The following FILIP1 variants were observed in gnomAD, a reference collection of about 807,000 sequenced individuals.
The protein encoded by FILIP1 is filamin A interacting protein 1.
Under a neutral mutation model 102.1 loss-of-function variants are expected in FILIP1, and 61 were observed. That is an observed-to-expected ratio of 0.60 (90% confidence interval 0.49 to 0.74). The LOEUF (loss-of-function observed/expected upper bound fraction) is 0.74, where lower values mean the gene tolerates loss of function less well. Among genes scored for constraint, FILIP1 ranks in the 30% least tolerant of loss-of-function variants. FILIP1 has a pLI of 0.00. For synonymous variants in FILIP1, 491 were observed against 526.9 expected, an observed-to-expected ratio of 0.93 and a Z score of 0.93; for missense variants, 1,314 against 1,441.2, an observed-to-expected ratio of 0.91 and a Z score of 1.43.
At chr6:75,461,844 G>T (rs980808706) in intron 1 of FILIP1, among the ~76,000 whole-genome samples, 4 of 152,168 alleles carry the variant, frequency 2.6e-5, no homozygotes, top group South Asian at 2.1e-4. Context: ...CAACACAGGC[G>T]CTTAGGAGAA....
chr6:75,448,059 A>G (rs1400356357), intron 1 of FILIP1, among the ~76,000 whole-genome samples: 1 of 152,162 alleles, frequency 6.6e-6, no homozygotes, highest in Non-Finnish European at 1.5e-5. Flanking sequence ...TAGATGAGGA[A>G]AAAAGTCTTT....
At chr6:75,388,321 T>C (rs1232167527) in intron 2 of FILIP1, among the ~76,000 whole-genome samples, 1 of 152,224 alleles carries the variant, frequency 6.6e-6, no homozygotes, top group African/African-American at 2.4e-5. Flanking sequence ...GCGTGATGCC[T>C]CCAGCTTTGT....
chr6:75,398,396 T>C (rs1035773871), intron 2 of FILIP1, among the ~76,000 whole-genome samples: 2 of 152,120 alleles, frequency 1.3e-5, no homozygotes, highest in Non-Finnish European at 2.9e-5. Context: ...ATTTGTAACC[T>C]TGCCTGCAAA....
At chr6:75,435,547 T>C (rs912476968) in intron 1 of FILIP1, among the ~76,000 whole-genome samples, 1 of 152,198 alleles carries the variant, frequency 6.6e-6, no homozygotes, top group Non-Finnish European at 1.5e-5. Flanking sequence ...AACCTGGCAG[T>C]AAAATTATGG....
chr6:75,337,230 A>T (rs946255261), intron 4 of FILIP1, among the ~76,000 whole-genome samples: 3 of 152,200 alleles, frequency 2.0e-5, no homozygotes, highest in Non-Finnish European at 2.9e-5. Flanking sequence ...TCCTAAGTCC[A>T]CTATGAGTGG....
intron 2 of FILIP1, among the ~76,000 whole-genome samples, chr6:75,387,893 C>T (rs1458883485): frequency 1.3e-5 from 2 of 152,156 alleles, no homozygotes; most frequent in Non-Finnish European, 2.9e-5. Flanking sequence ...TTAATTAGAT[C>T]CCACTTGTCA....
At chr6:75,319,858 C>T in intron 4 of FILIP1, 1 of 431,722 alleles carries the variant, frequency 2.3e-6, no homozygotes, top group Non-Finnish European at 4.2e-6. Context: ...GAAAAGAAAA[C>T]TCTGAGAAGT....
At chr6:75,451,273 G>A (rs1216708549) in intron 1 of FILIP1, among the ~76,000 whole-genome samples, 1 of 148,232 alleles carries the variant, frequency 6.7e-6, no homozygotes, top group East Asian at 1.9e-4. Context: ...ATATGTATAT[G>A]TAATTTGAAT....
chr6:75,362,978 A>G, intron 2 of FILIP1, 61 bp from the exon 3 acceptor site: 1 of 1,519,320 alleles, frequency 6.6e-7, no homozygotes. Flanking sequence ...ACTGGGCTCA[A>G]AAAATCAACA....
intron 2 of FILIP1, among the ~76,000 whole-genome samples, chr6:75,369,970 G>A (rs139493814): frequency 6.6e-6 from 1 of 152,310 alleles, no homozygotes; most frequent in East Asian, 1.9e-4. Context: ...CTTACCTAAT[G>A]ACACCACACA....
At chr6:75,350,571 G>A (rs1774762671) in intron 4 of FILIP1, among the ~76,000 whole-genome samples, 1 of 152,024 alleles carries the variant, frequency 6.6e-6, no homozygotes, top group Non-Finnish European at 1.5e-5. Flanking sequence ...TCCTGCATAG[G>A]CTTAGTGGAT....
chr6:75,399,241 C>A (rs2149668838), intron 2 of FILIP1: 1 of 152,246 alleles, frequency 6.6e-6, no homozygotes, highest in East Asian at 1.9e-4. Context: ...GAAGGGAAAC[C>A]AAACATCAGT....
chr6:75,377,812 G>C (rs901151975), intron 2 of FILIP1, among the ~76,000 whole-genome samples: 5 of 152,244 alleles, frequency 3.3e-5, no homozygotes, highest in African/African-American at 1.2e-4. Flanking sequence ...CTTCGCTAGA[G>C]AAAGTTTAGA....
intron 2 of FILIP1, chr6:75,386,063 T>G (rs1178735010): frequency 1.3e-5 from 2 of 152,156 alleles, no homozygotes; most frequent in African/African-American, 2.4e-5. Flanking sequence ...AATAAAATGG[T>G]TCAAGTTCTC....
intron 1 of FILIP1, among the ~76,000 whole-genome samples, chr6:75,486,155 C>T (rs2149784564): frequency 6.6e-6 from 1 of 152,220 alleles, no homozygotes; most frequent in East Asian, 1.9e-4. Context: ...TCAAAGTTTA[C>T]AATATAAGGT....
chr6:75,393,562 A>G (rs185713340), intron 2 of FILIP1, among the ~76,000 whole-genome samples: 1 of 152,362 alleles, frequency 6.6e-6, no homozygotes, highest in African/African-American at 2.4e-5. Flanking sequence ...ATATGGTACC[A>G]GAGCATGGAA....
At chr6:75,317,147 C>T (rs1446452799) in intron 4 of FILIP1, among the ~76,000 whole-genome samples, 6 of 152,194 alleles carry the variant, frequency 3.9e-5, no homozygotes, top group African/African-American at 1.2e-4. Flanking sequence ...CTGTCACTTT[C>T]TAACTGTGTA....
At chr6:75,416,424 C>T (rs552966259) in intron 1 of FILIP1, among the ~76,000 whole-genome samples, 1 of 152,152 alleles carries the variant, frequency 6.6e-6, no homozygotes, top group African/African-American at 2.4e-5. Context: ...TTTTCTGGTT[C>T]ACTCAATGAT....
At chr6:75,453,240 A>T (rs1778696353) in intron 1 of FILIP1, among the ~76,000 whole-genome samples, 1 of 152,120 alleles carries the variant, frequency 6.6e-6, no homozygotes, top group Non-Finnish European at 1.5e-5. Flanking sequence ...CATGAAATGT[A>T]TTTCCACCTG....
Sources: allele counts gnomAD v4.1 joint callset (sites outside exome capture counted in the v4.1 genomes callset), GRCh38; gene constraint gnomAD v4.1.1; transcripts MANE v1.5; gene names NCBI Gene and HGNC (gene_info 2026-07-23, HGNC 2026-07-21).